DPP10: variants seen among roughly 807,000 people sequenced by gnomAD.
The protein encoded by DPP10 is inactive dipeptidyl peptidase 10.
DPP10 carries 33 observed loss-of-function variants against 120.9 expected under a neutral mutation model. The ratio of observed to expected loss-of-function variants is 0.27; its 90% confidence interval spans 0.21 to 0.37. DPP10 has a LOEUF of 0.37. Ranked by LOEUF, DPP10 falls within the 10% of genes least tolerant of loss-of-function variation. The probability of loss-of-function intolerance (pLI) is 1.00; values close to 1 mark genes in which losing one functional copy is unlikely to be tolerated. For missense variants in DPP10, 816 were observed against 942.8 expected (o/e 0.87, Z 1.76); for synonymous variants, 337 against 326.1 (o/e 1.03, Z -0.36).
chr2:114,894,493 C>G (rs187820048), intron 1 of DPP10, among the ~76,000 whole-genome samples: 11 of 152,138 alleles, frequency 7.2e-5, no homozygotes, highest in African/African-American at 2.7e-4. Flanking sequence ...ATTCGCTAAA[C>G]CTCAGTCCAC....
intron 21 of DPP10, among the ~76,000 whole-genome samples, chr2:115,835,301 G>A (rs1689365141): frequency 6.6e-6 from 1 of 152,148 alleles, no homozygotes; most frequent in Admixed American, 6.5e-5. Context: ...AAAGGCATAA[G>A]GATGTAGGAA....
chr2:115,036,157 G>A (rs1704212999), intron 1 of DPP10, among the ~76,000 whole-genome samples: 4 of 152,158 alleles, frequency 2.6e-5, no homozygotes, highest in Admixed American at 2.6e-4. Context: ...TCACAGGGTG[G>A]CAGGACAGAG....
At chr2:114,487,817 A>G (rs1034237385) in intron 1 of DPP10, among the ~76,000 whole-genome samples, 19 of 152,216 alleles carry the variant, frequency 1.2e-4, no homozygotes, top group Non-Finnish European at 2.8e-4. Flanking sequence ...TTATCTTCTA[A>G]ATATCAATAT....
At chr2:114,756,094 A>G (rs911704357) in intron 1 of DPP10, among the ~76,000 whole-genome samples, 7 of 152,234 alleles carry the variant, frequency 4.6e-5, no homozygotes, top group African/African-American at 1.7e-4. Context: ...ATATAAGGCA[A>G]TGTTTTGAAA....
chr2:115,128,878 T>C (rs1403495992), intron 1 of DPP10, among the ~76,000 whole-genome samples: 1 of 152,184 alleles, frequency 6.6e-6, no homozygotes, highest in Admixed American at 6.5e-5. Context: ...TCGAGATCCT[T>C]CAACACTTAT....
intron 3 of DPP10, among the ~76,000 whole-genome samples, chr2:115,383,066 C>G (rs1348280270): frequency 6.6e-6 from 1 of 152,206 alleles, no homozygotes; most frequent in Non-Finnish European, 1.5e-5. Flanking sequence ...AGAAGGAACA[C>G]TATCAAAGAT....
chr2:114,470,548 T>C (rs937934614), intron 1 of DPP10, among the ~76,000 whole-genome samples: 3 of 152,228 alleles, frequency 2.0e-5, no homozygotes, highest in African/African-American at 4.8e-5. Flanking sequence ...CTTTTGGGGA[T>C]TGGAGATGAG....
At chr2:115,517,571 T>TA (rs2077570431) in intron 4 of DPP10, among the ~76,000 whole-genome samples, 1 of 152,302 alleles carries the variant, frequency 6.6e-6, no homozygotes, top group South Asian at 2.1e-4. Context: ...AACTACAAGA[T>TA]ATTCTATTTA....
intron 1 of DPP10, among the ~76,000 whole-genome samples, chr2:114,877,595 A>T (rs936872393): frequency 3.3e-5 from 5 of 152,104 alleles, no homozygotes; most frequent in Non-Finnish European, 7.4e-5. Context: ...CGGCGGACAC[A>T]CACAATGCCC....
At chr2:114,572,797 C>T (rs1689757285) in intron 1 of DPP10, among the ~76,000 whole-genome samples, 1 of 152,214 alleles carries the variant, frequency 6.6e-6, no homozygotes, top group Non-Finnish European at 1.5e-5. Context: ...GTTATCTCTT[C>T]TTACAGATGA....
chr2:115,467,403 C>G (rs1199794225), intron 3 of DPP10, among the ~76,000 whole-genome samples: 1 of 151,714 alleles, frequency 6.6e-6, no homozygotes, highest in Non-Finnish European at 1.5e-5. Context: ...ATGGTGAAAC[C>G]CCATCTCTAC....
At position 115,771,086 on chromosome 2, in the gene DPP10, ATTTT is replaced by A. The variant is rs869107635; in HGVS notation, c.1221+2685_1221+2688del. On this transcript the variant is annotated intron_variant, in intron 13 of 25. Transcript: ENST00000410059. ...TATTTATTTATTTATTTATTTATTT[ATTTT>A]TTGAGACAGAGTCTCAGTTTGTTGC... 9.0e-5 allele frequency among the ~76,000 whole-genome samples: 9 copies of A among 100,372 alleles called. No homozygotes were observed. In the Admixed American group the frequency reaches 9.6e-4, roughly 11 times the overall value. The allele number at this position is 100,372 out of a possible 152,430, so 65.8% of individuals were successfully genotyped here. A position where few individuals can be genotyped will look rare whatever the true frequency, so the allele number is the denominator to read the frequency against.
intron 1 of DPP10, among the ~76,000 whole-genome samples, chr2:114,547,275 C>T (rs1248347489): frequency 6.6e-6 from 1 of 152,186 alleles, no homozygotes; most frequent in Non-Finnish European, 1.5e-5. Flanking sequence ...CTCCAGGGAA[C>T]CACTTTGCTG....
At chr2:115,264,138 A>G (rs1218168137) in intron 1 of DPP10, among the ~76,000 whole-genome samples, 1 of 152,222 alleles carries the variant, frequency 6.6e-6, no homozygotes, top group Non-Finnish European at 1.5e-5. Flanking sequence ...TATCTGTGAC[A>G]TATTTTTTAG....
At chr2:114,724,859 T>C (rs1360871772) in intron 1 of DPP10, among the ~76,000 whole-genome samples, 3 of 152,162 alleles carry the variant, frequency 2.0e-5, no homozygotes, top group Non-Finnish European at 4.4e-5. Flanking sequence ...TAGCTCCTAT[T>C]GTTAGGAAGT....
intron 5 of DPP10, among the ~76,000 whole-genome samples, chr2:115,571,139 A>C (rs2081313281): frequency 1.3e-5 from 2 of 152,226 alleles, no homozygotes; most frequent in Admixed American, 1.3e-4. Context: ...GAATAATTAG[A>C]TCTATGGAGA....
chr2:114,746,609 A>C (rs982150670), intron 1 of DPP10, among the ~76,000 whole-genome samples: 2 of 152,176 alleles, frequency 1.3e-5, no homozygotes, highest in Admixed American at 6.5e-5. Flanking sequence ...GGGTGATTGC[A>C]GGGATGGAAC....
At position 114,754,518 on chromosome 2, in the gene DPP10, T is replaced by C. The variant is rs184176307; in HGVS notation, c.60+311680T>C. 6.7e-3 allele frequency among the ~76,000 whole-genome samples: 1,020 copies of C among 152,338 alleles called. 7 individuals are homozygous for C. Among genetic ancestry groups the C allele is most frequent in the Admixed American group, 0.01 (154 of 15,308 alleles). On this transcript the variant is annotated intron_variant, in intron 1 of 25. Coordinates refer to ENST00000410059, the MANE Select transcript of DPP10 (RefSeq NM_020868.6). The stretch of plus-strand genomic sequence containing the variant: ...GGGAGCATAGTTATTTTTCTTTCTT[T>C]AAGTCAATGACTCTCTTTGATGGTG...
At chr2:115,527,565 A>G (rs1020438795) in intron 5 of DPP10, among the ~76,000 whole-genome samples, 1 of 152,136 alleles carries the variant, frequency 6.6e-6, no homozygotes, top group African/African-American at 2.4e-5. Flanking sequence ...TAAAAATACA[A>G]GTTACAGTCT....
Sources: allele counts gnomAD v4.1 joint callset (sites outside exome capture counted in the v4.1 genomes callset), GRCh38; gene constraint gnomAD v4.1.1; transcripts MANE v1.5; gene names NCBI Gene and HGNC (gene_info 2026-07-23, HGNC 2026-07-21).